Variants in ADAM12 observed in about 807,000 individuals in gnomAD.
The protein encoded by ADAM12 is disintegrin and metalloproteinase domain-containing protein 12.
In ADAM12, 70 loss-of-function variants were observed where a neutral mutation model predicts 106.4. The ratio of observed to expected loss-of-function variants is 0.66; its 90% confidence interval spans 0.54 to 0.80. ADAM12 has a LOEUF of 0.80. Among genes scored for constraint, ADAM12 ranks in the 30% least tolerant of loss-of-function variants. The probability of loss-of-function intolerance (pLI) is 0.00; values close to 1 mark genes in which losing one functional copy is unlikely to be tolerated. For synonymous variants in ADAM12, 420 were observed against 433.5 expected (o/e 0.97, Z 0.39); for missense variants, 1,010 against 1,171.9 (o/e 0.86, Z 2.02).
intron 12 of ADAM12, among the ~76,000 whole-genome samples, chr10:126,067,741 T>C (rs1284660696): frequency 6.6e-6 from 1 of 152,226 alleles, no homozygotes; most frequent in Admixed American, 6.5e-5. Flanking sequence ...TAATACTGAG[T>C]AATTTATCAA....
chr10:126,062,305 C>A (rs1036318519), intron 14 of ADAM12, among the ~76,000 whole-genome samples: 7 of 152,154 alleles, frequency 4.6e-5, no homozygotes, highest in Middle Eastern at 3.2e-3. Context: ...CACCACCACC[C>A]CAGCAAAGGC....
At chr10:126,374,621 T>C (rs982897751) in intron 1 of ADAM12, among the ~76,000 whole-genome samples, 10 of 152,016 alleles carry the variant, frequency 6.6e-5, no homozygotes, top group Admixed American at 2.6e-4. Flanking sequence ...CAAGAGAGAA[T>C]TGGTAAACTG....
chr10:126,286,376 G>A (rs377070578), intron 2 of ADAM12, among the ~76,000 whole-genome samples: 6 of 152,220 alleles, frequency 3.9e-5, no homozygotes, highest in African/African-American at 1.2e-4. Context: ...TCCTTCCAAA[G>A]ACCATGGTCA....
chr10:126,017,404 G>A, intron 22 of ADAM12, 65 bp from the exon 23 acceptor site: 1 of 1,449,626 alleles, frequency 6.9e-7, no homozygotes, highest in Non-Finnish European at 9.4e-7. Context: ...AGGATAGAGA[G>A]GTCTGGGGTT....
At chr10:126,259,925 G>A (rs1958967126) in intron 3 of ADAM12, among the ~76,000 whole-genome samples, 1 of 152,204 alleles carries the variant, frequency 6.6e-6, no homozygotes, top group Non-Finnish European at 1.5e-5. Context: ...TGGTTTAGGT[G>A]TCTGTCACAT....
At chr10:126,326,088 C>G (rs1854290754) in intron 2 of ADAM12, among the ~76,000 whole-genome samples, 1 of 152,138 alleles carries the variant, frequency 6.6e-6, no homozygotes, top group African/African-American at 2.4e-5. Context: ...GAGAACTTGA[C>G]AGTAATTTTA....
intron 9 of ADAM12, 47 bp from the exon 10 acceptor site, chr10:126,098,547 G>A (rs374693880): frequency 6.0e-6 from 9 of 1,489,798 alleles, no homozygotes; most frequent in Admixed American, 3.4e-5. Flanking sequence ...TAGAACGGGG[G>A]CATTCTCTAA....
rs150798235 is a variant in ADAM12 at position 126,036,323 on chromosome 10, G to T, written c.2352C>A (p.Asp784Glu). 1 of 1,568,160 alleles carries T rather than the reference G, an allele frequency of 6.4e-7. No individual in the cohort carries two copies. The highest frequency in any genetic ancestry group is 1.2e-5 in the South Asian group (1 of 82,304). ...RKPPDSYPPK[D>E]NPRRLLQCQN... is the part of the protein sequence containing the mutation. ...GACACTGCAGCAATCTCCTGGGATT[G>T]TCCTGTACAGTCAAAGTAAAAAGCC... is the stretch of plus-strand genomic sequence containing the variant. The change falls in exon 21 of 23, where the codon GAC becomes GAA. Residue 784 changes from aspartate (D) to glutamate (E), a missense_variant and splice_region_variant. By Grantham distance (45) the Asp-to-Glu change is conservative (BLOSUM62 2). This residue lies in a region of ADAM12 where 615 missense variants were observed against 708.5 expected (regional missense o/e 0.87). Transcript: ENST00000448723.
intron 3 of ADAM12, among the ~76,000 whole-genome samples, chr10:126,177,961 C>T (rs1957248475): frequency 1.3e-5 from 2 of 152,164 alleles, no homozygotes; most frequent in Non-Finnish European, 2.9e-5. Context: ...TCTCCATGCG[C>T]TCATTTAACT....
At chr10:126,167,109 G>T (rs1342115553) in intron 3 of ADAM12, among the ~76,000 whole-genome samples, 1 of 152,178 alleles carries the variant, frequency 6.6e-6, no homozygotes, top group African/African-American at 2.4e-5. Context: ...AACAGCATCA[G>T]TCACTAAGTA....
intron 3 of ADAM12, among the ~76,000 whole-genome samples, chr10:126,166,128 G>A (rs1565108857): frequency 6.6e-6 from 1 of 152,176 alleles, no homozygotes. Flanking sequence ...TTAATATACT[G>A]CTTCACTATA....
Position 126,086,882 on chromosome 10 carries a change from A to C in ADAM12, c.1145+7103T>G, listed in dbSNP as rs146931407. Among the ~76,000 whole-genome samples, 1,366 of 149,262 alleles carry C rather than the reference A, an allele frequency of 9.2e-3. 29 individuals are homozygous for C. Among genetic ancestry groups the C allele is most frequent in the African/African-American group, 0.032 (1,278 of 40,316 alleles). On this transcript the variant is annotated intron_variant, in intron 11 of 22. Transcript: ENST00000448723. ...AACCCTGTCTCTACTAAAATACAAA[A>C]ATTAGCTGGGTTTGGTAGTGTGCAC...
chr10:126,166,743 C>A (rs983869190), intron 3 of ADAM12, among the ~76,000 whole-genome samples: 1 of 152,116 alleles, frequency 6.6e-6, no homozygotes, highest in Admixed American at 6.5e-5. Flanking sequence ...GTGATCCGCC[C>A]GCCTCGACCT....
chr10:126,344,162 A>G (rs895341090), intron 1 of ADAM12, among the ~76,000 whole-genome samples: 2 of 152,080 alleles, frequency 1.3e-5, no homozygotes, highest in Admixed American at 6.6e-5. Context: ...TAGGTCTAAC[A>G]TTTAAGTCTT....
At chr10:126,137,463 T>C (rs538575765) in intron 4 of ADAM12, among the ~76,000 whole-genome samples, 2 of 152,264 alleles carry the variant, frequency 1.3e-5, no homozygotes, top group Non-Finnish European at 2.9e-5. Flanking sequence ...CACAATATTA[T>C]ATACTCATCA....
rs138824405 is a variant in ADAM12 at position 126,222,893 on chromosome 10, C to T, written c.260+56022G>A. ...TAGAGATCTCAGCCTTTATCCAATGCGTAGTCCAATTTCTTGGGAAATTAG... is the reference window on the plus strand; with the variant it reads ...TAGAGATCTCAGCCTTTATCCAATGTGTAGTCCAATTTCTTGGGAAATTAG... On this transcript the variant is annotated intron_variant, in intron 3 of 22. Transcript: ENST00000448723. Among the ~76,000 whole-genome samples the T allele has an allele frequency of 1.3e-3, 204 of 152,238 alleles. 1 individual carries two copies. The highest frequency in any genetic ancestry group is 4.6e-3 in the African/African-American group (191 of 41,542).
chr10:126,043,661 G>A lies in ADAM12; in HGVS notation c.1996-513C>T, dbSNP rs1367341236. On this transcript the variant is annotated intron_variant, in intron 17 of 22. Transcript: ENST00000448723. This position sits in a 1 kb window ranked among gnomAD's most constrained non-coding sequence, Gnocchi z 4.1. Reference sequence around the variant, plus strand: ...GGCTGGGGTCCGAGGCAGGCCCCCCGTTTCCTGAGCAAAGGAATCCTGTTT... The same window carrying A: ...GGCTGGGGTCCGAGGCAGGCCCCCCATTTCCTGAGCAAAGGAATCCTGTTT... Among the ~76,000 whole-genome samples the A allele has an allele frequency of 2.0e-5, 3 of 152,164 alleles. No individual in the cohort carries two copies. Among genetic ancestry groups the A allele is most frequent in the Non-Finnish European group, 2.9e-5 (2 of 68,026 alleles).
At chr10:126,039,128 A>T (rs35267061) in intron 19 of ADAM12, among the ~76,000 whole-genome samples, 166 bp downstream of exon 19, 35,734 of 150,854 alleles carry the variant, frequency 0.24, 4,838 homozygotes, top group East Asian at 0.42. Flanking sequence ...CCCGGCTGAT[A>T]TTTTGTATTT....
At chr10:126,237,894 C>T (rs1269042707) in intron 3 of ADAM12, among the ~76,000 whole-genome samples, 1 of 152,176 alleles carries the variant, frequency 6.6e-6, no homozygotes, top group Admixed American at 6.5e-5. Flanking sequence ...GTGTGTCATT[C>T]TGTGCTCTCA....
Sources: gnomAD v4.1 joint callset for allele counts (sites outside exome capture counted in the v4.1 genomes callset) on GRCh38, gnomAD v4.1.1 for gene constraint, gnomAD v4.1.1 regional missense constraint, Gnocchi (gnomAD v3.1) non-coding constraint, MANE v1.5 for transcripts, NCBI Gene and HGNC (gene_info 2026-07-23, HGNC 2026-07-21) for gene names.